The following ANKRD52 variants were observed in gnomAD, a reference collection of about 807,000 sequenced individuals.
The protein encoded by ANKRD52 is ankyrin repeat domain 52.
A neutral mutation model predicts 116.0 loss-of-function variants in ANKRD52; 7 were observed. That is an observed-to-expected ratio of 0.06 (90% CI 0.03 to 0.11). The LOEUF (loss-of-function observed/expected upper bound fraction) is 0.11. ANKRD52 is among the 10% of genes least tolerant of loss of function. The pLI is 1.00. For missense variants in ANKRD52, 839 were observed against 1,408.6 expected, an observed-to-expected ratio of 0.60 and a Z score of 6.47; for synonymous variants, 528 against 578.1, an observed-to-expected ratio of 0.91 and a Z score of 1.24.
chr12:56,244,828 T>C lies in ANKRD52; in HGVS notation c.2577-31A>G. The stretch of plus-strand genomic sequence containing the variant: ...AGGCAGGGATCAGGGTAGATTAAAA[T>C]AGGGAAGAGTATACTGCCCAAGCAG... On this transcript the variant is annotated intron_variant, in intron 23 of 27. Coordinates refer to ENST00000267116, the MANE Select transcript of ANKRD52 (RefSeq NM_173595.4). The surrounding 1 kb of genome is among the most constrained non-coding windows in gnomAD (Gnocchi z 4.9). 3 of 1,613,714 alleles carry C rather than the reference T, an allele frequency of 1.9e-6. No homozygotes were observed. Among genetic ancestry groups the C allele is most frequent in the Non-Finnish European group, 2.5e-6 (3 of 1,179,834 alleles).
In ANKRD52 at chr12:56,252,573, AAAAG is replaced by A. The variant is rs1160338289; in HGVS notation, c.1302-7_1302-4del. ...GCAAATTAAGACATTCAACATTCCT[AAAAG>A]AAAGATGTGTTAAGAGAGTTACAGC... On this transcript the variant is annotated splice_region_variant and splice_polypyrimidine_tract_variant and intron_variant, in intron 12 of 27. Coordinates refer to ENST00000267116, the MANE Select transcript of ANKRD52 (RefSeq NM_173595.4). This position sits in a 1 kb window ranked among gnomAD's most constrained non-coding sequence, Gnocchi z 4.7. 5 of 1,613,738 alleles carry A rather than the reference AAAAG, an allele frequency of 3.1e-6. No individual in the cohort carries two copies. Among genetic ancestry groups the A allele is most frequent in the East Asian group, 2.2e-5 (1 of 44,882 alleles).
chr12:56,255,146 A>G lies in ANKRD52; in HGVS notation c.463-194T>C. 1 of 533,020 alleles carries G rather than the reference A, an allele frequency of 1.9e-6. No homozygotes were observed. The highest frequency in any genetic ancestry group is 3.4e-6 in the Non-Finnish European group (1 of 297,396). The allele number at this position is 533,020 out of a possible 1,614,324, so 33.0% of individuals were successfully genotyped here. The stretch of plus-strand genomic sequence containing the variant: ...AGATACTGGAGAGATTTGGAACTTT[A>G]AGGGAAACAAGAGAGTCTCTTCAGG... On this transcript the variant is annotated intron_variant, in intron 5 of 27. Coordinates refer to ENST00000267116, the MANE Select transcript of ANKRD52 (RefSeq NM_173595.4). This position sits in a 1 kb window ranked among gnomAD's most constrained non-coding sequence, Gnocchi z 4.3.
chr12:56,256,251 A>C (rs866606328), intron 4 of ANKRD52, among the ~76,000 whole-genome samples: 13 of 152,096 alleles, frequency 8.5e-5, no homozygotes, highest in African/African-American at 2.9e-4. Flanking sequence ...GACCCTGAAA[A>C]TCTTCACTCA....
At position 56,253,839 on chromosome 12, in the gene ANKRD52, T is replaced by C. The variant is rs745778148; in HGVS notation, c.907-39A>G. ...GTGGGTTTTTGTTTTTGTTTTTTTT[T>C]CCAGTGCAAAGCACAGAGAATGCCC... On this transcript the variant is annotated intron_variant, in intron 8 of 27. Transcript: ENST00000267116. This position sits in a 1 kb window ranked among gnomAD's most constrained non-coding sequence, Gnocchi z 5.5. 1.1e-5 allele frequency: 17 copies of C among 1,599,482 alleles called. No homozygotes were observed. The East Asian group carries it at 3.3e-4, about 31-fold the overall frequency.
In ANKRD52 at chr12:56,249,884, C is replaced by T. The variant is rs371493629; in HGVS notation, c.1593-1014G>A. On this transcript the variant is annotated intron_variant, in intron 15 of 27. Coordinates refer to ENST00000267116, the MANE Select transcript of ANKRD52 (RefSeq NM_173595.4). Reference sequence around the variant, plus strand: ...GTGAAACCCCGTCTGTACTAAAATACAAAAAATTAGCCAGGCGTGGCAGCG... The same window carrying T: ...GTGAAACCCCGTCTGTACTAAAATATAAAAAATTAGCCAGGCGTGGCAGCG... 2.0e-5 allele frequency among the ~76,000 whole-genome samples: 3 copies of T among 152,138 alleles called. No homozygotes were observed. The East Asian group carries it at 5.8e-4, about 29-fold the overall frequency.
Position 56,252,694 on chromosome 12 carries a change from G to A in ANKRD52, c.1301+86C>T. 2.0e-6 allele frequency: 3 copies of A among 1,535,690 alleles called. No individual in the cohort carries two copies. Among genetic ancestry groups the A allele is most frequent in the Non-Finnish European group, 2.7e-6 (3 of 1,112,640 alleles). ...GTGACTGCTTTCATTGTGAGAGGGG[G>A]AATAGATCTGGGCAGGCAAGAATGA... On this transcript the variant is annotated intron_variant, in intron 12 of 27. Coordinates refer to ENST00000267116, the MANE Select transcript of ANKRD52 (RefSeq NM_173595.4). The surrounding 1 kb of genome is among the most constrained non-coding windows in gnomAD (Gnocchi z 4.7).
chr12:56,255,399 C>T lies in ANKRD52; in HGVS notation c.462+385G>A, dbSNP rs570218161. On this transcript the variant is annotated intron_variant, in intron 5 of 27. Transcript: ENST00000267116. The surrounding 1 kb of genome is among the most constrained non-coding windows in gnomAD (Gnocchi z 4.3). ...TAGAGACAGGGTTTCACCATGTTAG[C>T]CAGGATGATCTCGATCTCCTGATCT... 2.0e-5 allele frequency among the ~76,000 whole-genome samples: 3 copies of T among 152,264 alleles called. No homozygotes were observed. In the South Asian group the frequency reaches 6.2e-4, roughly 32 times the overall value.
chr12:56,254,966 T>C lies in ANKRD52; in HGVS notation c.463-14A>G, dbSNP rs1871876794. Reference sequence around the variant, plus strand: ...CAGGTTCACCGTCTGCATCAGGATATGAAAGACACCTGTTCAGAGCTAGAT... The same window carrying C: ...CAGGTTCACCGTCTGCATCAGGATACGAAAGACACCTGTTCAGAGCTAGAT... On this transcript the variant is annotated splice_polypyrimidine_tract_variant and intron_variant, in intron 5 of 27. Transcript: ENST00000267116. This position sits in a 1 kb window ranked among gnomAD's most constrained non-coding sequence, Gnocchi z 4.6. 1.2e-6 allele frequency: 2 copies of C among 1,609,202 alleles called. No homozygotes were observed. The highest frequency in any genetic ancestry group is 1.7e-6 in the Non-Finnish European group (2 of 1,175,848).
At position 56,237,816 on chromosome 12, in the gene ANKRD52, T is replaced by A; in HGVS notation, c.*5326A>T. Reference sequence around the variant, plus strand: ...CGGGACACAGGGCCAGTAGGAGCAATAGGATTTTAATAAACAGAACCCATC... The same window carrying A: ...CGGGACACAGGGCCAGTAGGAGCAAAAGGATTTTAATAAACAGAACCCATC... On this transcript the variant is annotated 3_prime_UTR_variant, in exon 28 of 28. Transcript: ENST00000267116. 2.0e-5 allele frequency: 28 copies of A among 1,428,642 alleles called. No homozygotes were observed. Among genetic ancestry groups the A allele is most frequent in the Non-Finnish European group, 2.6e-5 (28 of 1,075,758 alleles). 88.5% of individuals were successfully genotyped at this position (1,428,642 alleles called of 1,614,324 possible). A position where few individuals can be genotyped will look rare whatever the true frequency, so the allele number is the denominator to read the frequency against.
chr12:56,245,228 C>A, intron 21 of ANKRD52, 38 bp from the exon 22 acceptor site: 1 of 1,610,926 alleles, frequency 6.2e-7, no homozygotes, highest in Non-Finnish European at 8.5e-7. Context: ...TGGAGAAAAA[C>A]GGCAAGGTTC....
rs1474173447 is a variant in ANKRD52, at chr12:56,247,532, A to G, written c.2145T>C (p.Asp715=). ...HLLLEKGSTA[D]AADLRGRTAL... is the part of the protein sequence containing the mutation. ...CAGTGCGGCCCCGGAGGTCAGCAGC[A>G]TCAGCTGTGGATCCTTTCTCTAGCA... is the stretch of plus-strand genomic sequence containing the variant. Residue 715 remains aspartate, a synonymous_variant, in exon 20 of 28, where the codon GAT becomes GAC. Transcript: ENST00000267116. The G allele has an allele frequency of 6.3e-7, 1 of 1,594,714 alleles. No homozygotes were observed. The highest frequency in any genetic ancestry group is 1.7e-4 in the Middle Eastern group (1 of 6,028).
chr12:56,254,694 C>A lies in ANKRD52; in HGVS notation c.577G>T (p.Val193Leu), dbSNP rs1481270510. Residue 193 changes from valine to leucine, a missense_variant, in exon 7 of 28, where the codon GTG (valine) becomes TTG (leucine). Transcript: ENST00000267116. The surrounding 1 kb of genome is among the most constrained non-coding windows in gnomAD (Gnocchi z 4.6). The part of the protein sequence containing the change: ...LGHLEVLKLL[V>L]ARGADLGCKD... ...CAGCCGAGGTCTGCTCCCCGTGCCACCAGCAGTTTTAGGACCTCCAAGTGC... is the reference window on the plus strand; with the variant it reads ...CAGCCGAGGTCTGCTCCCCGTGCCAACAGCAGTTTTAGGACCTCCAAGTGC... 1 of 1,612,600 alleles carries A rather than the reference C, an allele frequency of 6.2e-7. No individual in the cohort carries two copies. The highest frequency in any genetic ancestry group is 8.5e-7 in the Non-Finnish European group (1 of 1,178,914).
chr12:56,255,439 C>T lies in ANKRD52; in HGVS notation c.462+345G>A, dbSNP rs1871904572. 6.6e-6 allele frequency among the ~76,000 whole-genome samples: 1 copy of T among 152,206 alleles called. No homozygotes were observed. Among genetic ancestry groups the T allele is most frequent in the African/African-American group, 2.4e-5 (1 of 41,446 alleles). ...TCTCCTGATCTCATGATCCACCCGC[C>T]TTCGCCTCCCAAAGTGCTGGGATTA... On this transcript the variant is annotated intron_variant, in intron 5 of 27. Transcript: ENST00000267116. The surrounding 1 kb of genome is among the most constrained non-coding windows in gnomAD (Gnocchi z 4.3).
intron 4 of ANKRD52, among the ~76,000 whole-genome samples, chr12:56,256,648 T>A (rs935847680): frequency 6.6e-6 from 1 of 152,196 alleles, no homozygotes; most frequent in East Asian, 1.9e-4. Flanking sequence ...TCAAGCTGCT[T>A]GAGGGCCAAG....
chr12:56,250,470 G>A (rs1871635066), intron 15 of ANKRD52, among the ~76,000 whole-genome samples: 1 of 151,098 alleles, frequency 6.6e-6, no homozygotes, highest in Admixed American at 6.6e-5. Flanking sequence ...TCAAACTCCT[G>A]GGTTTGCATG....
At chr12:56,245,680 G>C in intron 20 of ANKRD52, 84 bp from the exon 21 acceptor site, 17 of 969,678 alleles carry the variant, frequency 1.8e-5, no homozygotes, top group Non-Finnish European at 2.1e-5. Flanking sequence ...TCAGGAGTAA[G>C]AACCACTTCC....
In ANKRD52 at chr12:56,248,661, T is replaced by C; in HGVS notation, c.1705-95A>G. On this transcript the variant is annotated intron_variant, in intron 16 of 27. Coordinates refer to ENST00000267116, the MANE Select transcript of ANKRD52 (RefSeq NM_173595.4). The surrounding 1 kb of genome is among the most constrained non-coding windows in gnomAD (Gnocchi z 5.1). Reference sequence around the variant, plus strand: ...CAGTAATCCCCACTAAGCCTCTGGATCCAAAGACCACATTTGATTGAACCC... The same window carrying C: ...CAGTAATCCCCACTAAGCCTCTGGACCCAAAGACCACATTTGATTGAACCC... The C allele has an allele frequency of 6.7e-7, 1 of 1,488,754 alleles. No individual in the cohort carries two copies. Among genetic ancestry groups the C allele is most frequent in the Non-Finnish European group, 9.2e-7 (1 of 1,088,552 alleles). 92.2% of individuals were successfully genotyped at this position (1,488,754 alleles called of 1,614,324 possible).
intron 20 of ANKRD52, among the ~76,000 whole-genome samples, chr12:56,245,937 G>T (rs554317464): frequency 1.3e-5 from 2 of 151,298 alleles, no homozygotes; most frequent in South Asian, 2.1e-4. Context: ...GGATGGTCTT[G>T]ATCTCCTCAC....
Position 56,245,567 on chromosome 12 carries a change from A to G in ANKRD52, c.2214T>C (p.Ala738=), listed in dbSNP as rs200498596. The part of the protein sequence containing the change: ...GAVTGCEDCL[A]ALLDHDAFVL... ...CAAATGCGTCGTGGTCCAGCAGGGC[A>G]GCCAGGCAGTCCTCACAGCCAGTCA... is the stretch of plus-strand genomic sequence containing the variant. Residue 738 remains alanine, a synonymous_variant, in exon 21 of 28, where the codon GCT becomes GCC. Transcript: ENST00000267116. 2.7e-5 allele frequency: 44 copies of G among 1,607,060 alleles called. No individual in the cohort carries two copies. Among genetic ancestry groups the G allele is most frequent in the Non-Finnish European group, 3.2e-5 (38 of 1,177,928 alleles).
Sources: gnomAD v4.1 joint callset for allele counts (sites outside exome capture counted in the v4.1 genomes callset) on GRCh38, gnomAD v4.1.1 for gene constraint, Gnocchi (gnomAD v3.1) non-coding constraint, MANE v1.5 for transcripts, NCBI Gene and HGNC (gene_info 2026-07-23, HGNC 2026-07-21) for gene names.